MEGF11: variants seen among roughly 807,000 people sequenced by gnomAD.
MEGF11 encodes multiple epidermal growth factor-like domains protein 11.
A neutral mutation model predicts 146.6 loss-of-function variants in MEGF11; 126 were observed. That is an observed-to-expected ratio of 0.86 (90% confidence interval 0.74 to 1.00). The LOEUF is 1.00. Among genes scored for constraint, MEGF11 ranks in the 50% least tolerant of loss-of-function variants. The pLI, the probability that MEGF11 is intolerant of heterozygous loss-of-function variation, is 0.00. For synonymous variants in MEGF11, 532 were observed against 583.4 expected (o/e 0.91, Z 1.27); for missense variants, 1,509 against 1,521.2 (o/e 0.99, Z 0.13).
chr15:66,181,228 A>C (rs1453669587), intron 1 of MEGF11, among the ~76,000 whole-genome samples: 1 of 152,218 alleles, frequency 6.6e-6, no homozygotes, highest in Non-Finnish European at 1.5e-5. Context: ...CAGACTTTGA[A>C]GATTCACAGA....
intron 1 of MEGF11, among the ~76,000 whole-genome samples, chr15:66,212,316 C>G (rs894098103): frequency 2.6e-5 from 4 of 152,158 alleles, no homozygotes; most frequent in Non-Finnish European, 5.9e-5. Context: ...GCCCAGCACA[C>G]AGAGGTGGGA....
intron 5 of MEGF11, among the ~76,000 whole-genome samples, chr15:66,043,691 G>A (rs779184542): frequency 6.6e-5 from 10 of 152,326 alleles, no homozygotes; most frequent in Middle Eastern, 3.4e-3. Flanking sequence ...GCAGTGACAG[G>A]CACCAGGAAC....
Position 66,094,946 on chromosome 15 carries a change from T to C in MEGF11, c.302-452A>G, listed in dbSNP as rs182978956. 1.7e-3 allele frequency among the ~76,000 whole-genome samples: 252 copies of C among 152,278 alleles called. 1 individual carries two copies. The highest frequency in any genetic ancestry group is 5.6e-3 in the African/African-American group (231 of 41,540). On this transcript the variant is annotated intron_variant, in intron 4 of 25. Transcript: ENST00000395614. ...GCCTGCCTGAAAAGAAGGTCCCTTCTCACTTTTCCCCCCACCTTTCTGCCC... is the reference window on the plus strand; with the variant it reads ...GCCTGCCTGAAAAGAAGGTCCCTTCCCACTTTTCCCCCCACCTTTCTGCCC...
intron 5 of MEGF11, among the ~76,000 whole-genome samples, chr15:66,024,473 T>G (rs1181493714): frequency 4.6e-5 from 7 of 152,300 alleles, no homozygotes; most frequent in African/African-American, 1.4e-4. Flanking sequence ...TCCATGAGCC[T>G]CCTCATCTGG....
At chr15:65,928,894 G>A (rs963730155) in intron 12 of MEGF11, among the ~76,000 whole-genome samples, 1 of 152,226 alleles carries the variant, frequency 6.6e-6, no homozygotes, top group Admixed American at 6.5e-5. Flanking sequence ...TTTGCAGATT[G>A]TAACACATTG....
Position 66,100,201 on chromosome 15 carries a change from C to T in MEGF11, c.302-5707G>A, listed in dbSNP as rs191487552. Among the ~76,000 whole-genome samples, 197 of 152,318 alleles carry T rather than the reference C, an allele frequency of 1.3e-3. 1 individual carries two copies. The highest frequency in any genetic ancestry group is 1.9e-3 in the Non-Finnish European group (126 of 68,016). ...GTGTTTACCGGGCACCTCCTGTGGG[C>T]TGGGCTCTGTGGGCAGGGGTTAGAT... On this transcript the variant is annotated intron_variant, in intron 4 of 25. Transcript: ENST00000395614.
chr15:66,033,078 CAAAAAAAAAA>C (rs60932678), intron 5 of MEGF11, among the ~76,000 whole-genome samples: 2 of 80,644 alleles, frequency 2.5e-5, no homozygotes, highest in African/African-American at 1.1e-4. Flanking sequence ...GAGACTCCAT[CAAAAAAAAAA>C]AAAAAAAAAA....
chr15:65,897,078 T>C lies in MEGF11; in HGVS notation c.*856A>G, dbSNP rs1239265362. The C allele has an allele frequency of 6.6e-6, 1 of 152,222 alleles. No individual in the cohort carries two copies. The highest frequency in any genetic ancestry group is 1.5e-5 in the Non-Finnish European group (1 of 68,042). The allele number at this position is 152,222 out of a possible 1,614,324, so 9.4% of individuals were successfully genotyped here. Reference sequence around the variant, plus strand: ...CTTTTACTTAATCCCGACCAGTCTATGACTGCTTGCTTAAAGGATCATCTT... The same window carrying C: ...CTTTTACTTAATCCCGACCAGTCTACGACTGCTTGCTTAAAGGATCATCTT... On this transcript the variant is annotated 3_prime_UTR_variant, in exon 26 of 26. Transcript: ENST00000395614.
chr15:66,037,125 G>T (rs1399219070), intron 5 of MEGF11, among the ~76,000 whole-genome samples: 1 of 152,170 alleles, frequency 6.6e-6, no homozygotes, highest in Non-Finnish European at 1.5e-5. Flanking sequence ...AGTGCTTGTT[G>T]CCGGTCAGGC....
intron 5 of MEGF11, among the ~76,000 whole-genome samples, chr15:66,027,369 C>T (rs28394544): frequency 0.018 from 2,809 of 152,348 alleles, 80 homozygotes; most frequent in African/African-American, 0.062. Flanking sequence ...CCAGTGACCA[C>T]GTCAAGCTGA....
chr15:65,915,893 A>T (rs976290875), intron 18 of MEGF11, among the ~76,000 whole-genome samples: 8 of 152,090 alleles, frequency 5.3e-5, no homozygotes, highest in Non-Finnish European at 1.5e-5. Flanking sequence ...TAAAAAAAAA[A>T]TCCTGCCTCC....
At chr15:65,970,773 A>G in intron 7 of MEGF11, 84 bp from the exon 8 acceptor site, 7 of 1,467,662 alleles carry the variant, frequency 4.8e-6, no homozygotes, top group Non-Finnish European at 6.4e-6. Context: ...CTGTGGCTCC[A>G]GGGACCACCC....
At chr15:65,968,196 AAGGGAAGG>A (rs1269934301) in intron 8 of MEGF11, among the ~76,000 whole-genome samples, 1 of 151,992 alleles carries the variant, frequency 6.6e-6, no homozygotes, top group Non-Finnish European at 1.5e-5. Flanking sequence ...AGAATGGGGG[AAGGGAAGG>A]AGGGAAACTG....
intron 2 of MEGF11, 43 bp downstream of exon 2, chr15:66,128,263 G>C: frequency 3.0e-6 from 4 of 1,316,264 alleles, no homozygotes; most frequent in Non-Finnish European, 4.0e-6. Context: ...TGCCCAGGGC[G>C]ATCCCCCAGA....
intron 10 of MEGF11, among the ~76,000 whole-genome samples, chr15:65,940,749 G>A (rs2079961568): frequency 1.3e-5 from 2 of 152,238 alleles, no homozygotes; most frequent in African/African-American, 2.4e-5. Flanking sequence ...TCCACAGCCT[G>A]TGGGGCTGAG....
intron 13 of MEGF11, 40 bp downstream of exon 13, chr15:65,928,385 T>C: frequency 7.0e-7 from 1 of 1,425,846 alleles, no homozygotes; most frequent in Non-Finnish European, 9.6e-7. Context: ...AGAACCCAGT[T>C]TCACAGTACC....
intron 5 of MEGF11, among the ~76,000 whole-genome samples, chr15:66,072,679 T>C (rs896863114): frequency 6.6e-6 from 1 of 152,230 alleles, no homozygotes; most frequent in African/African-American, 2.4e-5. Flanking sequence ...TGCTGGCTTT[T>C]GGAAAACCTT....
In MEGF11 at chr15:65,982,381, G is replaced by T; in HGVS notation, c.502C>A (p.Arg168Ser). The change falls in exon 6 of 26, where the codon CGT becomes AGT. Residue 168 changes from arginine (R) to serine (S), a missense_variant. Arg to Ser is a moderately radical substitution (Grantham distance 110). Coordinates refer to ENST00000395614, the MANE Select transcript of MEGF11 (RefSeq NM_001385028.1). This position sits in a 1 kb window ranked among gnomAD's most constrained non-coding sequence, Gnocchi z 5.6. ...TGACVCAAGF[R>S]GWRCEELCAP... ...CAGAGCTCCTCGCAGCGCCATCCAC[G>T]GAAGCCGGCGGCGCACACGCAGGCG... is the stretch of plus-strand genomic sequence containing the variant. The T allele has an allele frequency of 6.5e-7, 1 of 1,532,654 alleles. No individual in the cohort carries two copies. 94.9% of individuals were successfully genotyped at this position (1,532,654 alleles called of 1,614,324 possible).
At chr15:66,061,412 C>T (rs2084902406) in intron 5 of MEGF11, among the ~76,000 whole-genome samples, 1 of 152,178 alleles carries the variant, frequency 6.6e-6, no homozygotes, top group Non-Finnish European at 1.5e-5. Flanking sequence ...ACTTAGCCTC[C>T]TTTACTTGTT....
Sources: allele counts gnomAD v4.1 joint callset (sites outside exome capture counted in the v4.1 genomes callset), GRCh38; gene constraint gnomAD v4.1.1; non-coding constraint Gnocchi (gnomAD v3.1); transcripts MANE v1.5; gene names NCBI Gene and HGNC (gene_info 2026-07-23, HGNC 2026-07-21).